Variants in SLC7A9 observed in about 807,000 individuals in gnomAD.
SLC7A9 encodes B(0,+)-type amino acid transporter 1.
Under a neutral mutation model 54.1 loss-of-function variants are expected in SLC7A9, and 38 were observed. The ratio of observed to expected loss-of-function variants is 0.70; its 90% CI spans 0.54 to 0.92. The LOEUF (loss-of-function observed/expected upper bound fraction) is 0.92, where lower values mean the gene tolerates loss of function less well. Ranked by LOEUF, SLC7A9 falls within the 40% of genes least tolerant of loss-of-function variation. The pLI is 0.00. For missense variants in SLC7A9, 537 were observed against 636.1 expected (o/e 0.84, Z 1.68); for synonymous variants, 264 against 258.9 (o/e 1.02, Z -0.19).
intron 11 of SLC7A9, among the ~76,000 whole-genome samples, chr19:32,835,680 C>T (rs1967935453): frequency 6.6e-6 from 1 of 152,058 alleles, no homozygotes; most frequent in Admixed American, 6.6e-5. Context: ...TTTTTTCTAA[C>T]ACCTTAAGTT....
intron 9 of SLC7A9, among the ~76,000 whole-genome samples, chr19:32,857,172 C>T (rs904361818): frequency 4.6e-5 from 7 of 151,754 alleles, no homozygotes; most frequent in African/African-American, 1.5e-4. Context: ...AGGCTGGGCA[C>T]GATAGCTCAT....
chr19:32,864,447 G>T (rs1968902597), intron 3 of SLC7A9, 109 bp from the exon 4 acceptor site: 1 of 1,552,444 alleles, frequency 6.4e-7, no homozygotes, highest in African/African-American at 1.4e-5. Flanking sequence ...GCCCACCGTG[G>T]TCCGCCCTCG....
intron 11 of SLC7A9, among the ~76,000 whole-genome samples, chr19:32,841,830 C>T (rs1424718834): frequency 1.3e-5 from 2 of 152,078 alleles, no homozygotes; most frequent in African/African-American, 2.4e-5. Context: ...TTGCCTGAAC[C>T]GGGGAGGCAG....
At chr19:32,863,283 C>T (rs11668777) in intron 4 of SLC7A9, among the ~76,000 whole-genome samples, 14,768 of 151,522 alleles carry the variant, frequency 0.097, 910 homozygotes, top group Middle Eastern at 0.17. Flanking sequence ...CCCCCCTCCC[C>T]CGCCCTGCTA....
At chr19:32,860,059 G>A (rs534892263) in intron 7 of SLC7A9, 95 bp from the exon 8 acceptor site, 357 of 1,606,350 alleles carry the variant, frequency 2.2e-4, no homozygotes, top group Middle Eastern at 3.3e-4. Flanking sequence ...GAGAAGATTC[G>A]CAGGTAGCAG....
At chr19:32,856,200 T>TG (rs1449974991) in intron 9 of SLC7A9, among the ~76,000 whole-genome samples, 1 of 151,564 alleles carries the variant, frequency 6.6e-6, no homozygotes, top group African/African-American at 2.4e-5. Context: ...TAGTGGTTTT[T>TG]TTTTTTTTTT....
chr19:32,859,446 C>G (rs1245050991), intron 8 of SLC7A9, among the ~76,000 whole-genome samples: 1 of 152,118 alleles, frequency 6.6e-6, no homozygotes, highest in Non-Finnish European at 1.5e-5. Flanking sequence ...ACGTGGTTGT[C>G]TGTTTGCAAC....
chr19:32,866,192 A>G (rs1436653305), intron 2 of SLC7A9, among the ~76,000 whole-genome samples: 1 of 152,106 alleles, frequency 6.6e-6, no homozygotes, highest in African/African-American at 2.4e-5. Flanking sequence ...TGCCACCCTG[A>G]GGACTCTGCA....
intron 11 of SLC7A9, among the ~76,000 whole-genome samples, chr19:32,838,881 A>G (rs1019276318): frequency 1.3e-5 from 2 of 150,888 alleles, no homozygotes; most frequent in Non-Finnish European, 3.0e-5. Flanking sequence ...TATATTATGT[A>G]TAATGCCCTT....
chr19:32,862,785 C>A, intron 4 of SLC7A9, 199 bp from the exon 5 acceptor site: 1 of 396,814 alleles, frequency 2.5e-6, no homozygotes, highest in Non-Finnish European at 4.3e-6. Flanking sequence ...AATTCTCCTG[C>A]CTCAGCCTCC....
rs963080539 is a variant in SLC7A9 at position 32,862,515 on chromosome 19, T to C, written c.550A>G (p.Lys184Glu). The change falls in exon 5 of 13, where the codon AAG (lysine) becomes GAG (glutamate). Residue 184 changes from lysine to glutamate, a missense_variant. Lys to Glu is a moderately conservative substitution (Grantham distance 56, BLOSUM62 1). Transcript: ENST00000023064. Reference protein sequence around the residue: ...SYVQNIFTAAKLVIVAIIIIS... With the variant: ...SYVQNIFTAAELVIVAIIIIS... ...ATGATGATGGCCACGATCACCAGCT[T>C]GGCCGCGGTGAAGATGTTCTGGACG... 6.2e-7 allele frequency: 1 copy of C among 1,613,726 alleles called. No homozygotes were observed. Among genetic ancestry groups the C allele is most frequent in the South Asian group, 1.1e-5 (1 of 91,056 alleles).
chr19:32,844,575 T>C (rs1968225485), intron 9 of SLC7A9, among the ~76,000 whole-genome samples: 1 of 152,142 alleles, frequency 6.6e-6, no homozygotes, highest in East Asian at 1.9e-4. Context: ...CTCACACCTG[T>C]AATCCCAGCA....
intron 4 of SLC7A9, among the ~76,000 whole-genome samples, chr19:32,863,806 G>T (rs1374814582): frequency 1.3e-5 from 2 of 152,174 alleles, no homozygotes; most frequent in Non-Finnish European, 2.9e-5. Flanking sequence ...TCAGGGCGTG[G>T]TAAGCAGCCT....
At chr19:32,834,849 G>A (rs1301504703) in intron 11 of SLC7A9, among the ~76,000 whole-genome samples, 3 of 152,076 alleles carry the variant, frequency 2.0e-5, no homozygotes, top group Non-Finnish European at 1.5e-5. Context: ...GGAGTGCAGT[G>A]GCGTGATCTT....
chr19:32,845,183 AGAG>A (rs1968250844), intron 9 of SLC7A9, among the ~76,000 whole-genome samples: 1 of 141,860 alleles, frequency 7.0e-6, no homozygotes, highest in Non-Finnish European at 1.5e-5. Flanking sequence ...AAAATAAATA[AGAG>A]GAGAAGATAT....
At chr19:32,867,881 GATC>G (rs796893468) in intron 2 of SLC7A9, among the ~76,000 whole-genome samples, 14 of 131,976 alleles carry the variant, frequency 1.1e-4, no homozygotes, top group African/African-American at 3.1e-4. Context: ...AGTGAGCTGA[GATC>G]ATACCACTGC....
chr19:32,849,075 G>A (rs2145821770), intron 9 of SLC7A9, among the ~76,000 whole-genome samples: 1 of 152,052 alleles, frequency 6.6e-6, no homozygotes, highest in Non-Finnish European at 1.5e-5. Context: ...GCCCACAAGA[G>A]AAAGCAGGAA....
At chr19:32,839,693 A>C (rs139733217) in intron 11 of SLC7A9, among the ~76,000 whole-genome samples, 5 of 152,272 alleles carry the variant, frequency 3.3e-5, no homozygotes, top group African/African-American at 7.2e-5. Flanking sequence ...GAGTAGTTTA[A>C]ATATGTTGCT....
intron 11 of SLC7A9, 21 bp from the exon 12 acceptor site, chr19:32,833,344 A>G (rs1257190991): frequency 6.2e-7 from 1 of 1,613,378 alleles, no homozygotes; most frequent in African/African-American, 1.3e-5. Flanking sequence ...AAAACAGGTC[A>G]TGGGTACCCA....
Sources: allele counts gnomAD v4.1 joint callset (sites outside exome capture counted in the v4.1 genomes callset), GRCh38; gene constraint gnomAD v4.1.1; transcripts MANE v1.5; gene names NCBI Gene and HGNC (gene_info 2026-07-23, HGNC 2026-07-21).